SYTL5: variants seen among roughly 807,000 people sequenced by gnomAD.
SYTL5 encodes synaptotagmin-like protein 5.
Under a neutral mutation model 55.9 loss-of-function variants are expected in SYTL5, and 34 were observed. That is an observed-to-expected ratio of 0.61 (90% CI 0.46 to 0.81). The LOEUF is 0.81. Among genes scored for constraint, SYTL5 ranks in the 30% least tolerant of loss-of-function variants. The probability of loss-of-function intolerance (pLI) is 0.00; values close to 1 mark genes in which losing one functional copy is unlikely to be tolerated. For synonymous variants in SYTL5, 221 were observed against 188.7 expected, an observed-to-expected ratio of 1.17 and a Z score of -1.40; for missense variants, 637 against 546.7, an observed-to-expected ratio of 1.17 and a Z score of -1.65.
chrX:38,011,897 TTTCTC>T (rs753813165), intron 1 of SYTL5, among the ~76,000 whole-genome samples: 8 of 110,883 alleles, frequency 7.2e-5, no homozygotes, highest in East Asian at 2.8e-4. Context: ...TTTTTTTACT[TTTCTC>T]TAAGCGTTAG....
intron 13 of SYTL5, among the ~76,000 whole-genome samples, chrX:38,115,043 T>G (rs1261711138): frequency 1.8e-5 from 2 of 112,458 alleles, no homozygotes; most frequent in African/African-American, 6.5e-5. Context: ...CAAGATTTTA[T>G]TTTTTAAGGC....
chrX:38,027,919 G>T (rs1280803925), intron 1 of SYTL5, among the ~76,000 whole-genome samples: 1 of 108,860 alleles, frequency 9.2e-6, no homozygotes, highest in Non-Finnish European at 1.9e-5. Flanking sequence ...TGCCTCCCAG[G>T]TTCAAGTGAT....
At chrX:38,044,883 G>C (rs563016050) in intron 2 of SYTL5, among the ~76,000 whole-genome samples, 2 of 111,739 alleles carry the variant, frequency 1.8e-5, no homozygotes, top group Admixed American at 1.9e-4. Flanking sequence ...TGGGAGACTT[G>C]GTTTGCTAAT....
Position 38,127,534 on chromosome X carries a change from G to C in SYTL5, c.*804G>C, listed in dbSNP as rs1290902009. The C allele has an allele frequency of 9.0e-6, 1 of 111,704 alleles. No individual in the cohort carries two copies. The highest frequency in any genetic ancestry group is 1.9e-5 in the Non-Finnish European group (1 of 53,172). The allele number at this position is 111,704 out of a possible 1,213,427, so 9.2% of individuals were successfully genotyped here. On this transcript the variant is annotated 3_prime_UTR_variant, in exon 17 of 17. Transcript: ENST00000297875. Reference sequence around the variant, plus strand: ...CTTTTCACATTGTGTTCACTGACGAGACTAGTTTAATGAAAAAGGAGGTAC... The same window carrying C: ...CTTTTCACATTGTGTTCACTGACGACACTAGTTTAATGAAAAAGGAGGTAC...
At chrX:38,081,125 T>A (rs1444415036) in intron 6 of SYTL5, among the ~76,000 whole-genome samples, 1 of 112,185 alleles carries the variant, frequency 8.9e-6, no homozygotes, top group African/African-American at 3.2e-5. Flanking sequence ...TACTTTCACC[T>A]CTTTCCTGTG....
intron 10 of SYTL5, among the ~76,000 whole-genome samples, chrX:38,102,757 T>C (rs147514094): frequency 0.036 from 4,018 of 111,639 alleles, 66 homozygotes; most frequent in Middle Eastern, 0.069. Context: ...GACACCATTC[T>C]CTAAACTTCC....
chrX:37,941,914 A>G, the SYTL5 span, among the ~76,000 whole-genome samples: 1 of 107,085 alleles, frequency 9.3e-6, no homozygotes, highest in African/African-American at 3.3e-5. Context: ...GGAAAAAAAA[A>G]CTTTTCATTT....
chrX:38,012,532 T>C (rs1934221493), intron 1 of SYTL5, among the ~76,000 whole-genome samples: 1 of 111,764 alleles, frequency 8.9e-6, no homozygotes, highest in Non-Finnish European at 1.9e-5. Flanking sequence ...ATATAAACTT[T>C]AAATCCAAAT....
intron 13 of SYTL5, 96 bp from the exon 14 acceptor site, chrX:38,120,262 T>G: frequency 3.4e-6 from 2 of 591,482 alleles, no homozygotes; most frequent in Non-Finnish European, 5.7e-6. Context: ...ATTGTCACAT[T>G]TATGCCACTA....
the SYTL5 span, among the ~76,000 whole-genome samples, chrX:38,001,247 C>T: frequency 9.0e-6 from 1 of 111,447 alleles, no homozygotes; most frequent in Non-Finnish European, 1.9e-5. Context: ...GTATCCATGA[C>T]CTCAAGCATT....
At chrX:38,045,435 G>C (rs763811902) in intron 2 of SYTL5, among the ~76,000 whole-genome samples, 3 of 111,875 alleles carry the variant, frequency 2.7e-5, no homozygotes, top group Non-Finnish European at 5.6e-5. Context: ...TTGCTCCGTT[G>C]TTTTCAGTAT....
At chrX:38,023,384 A>G (rs1218300726) in intron 1 of SYTL5, among the ~76,000 whole-genome samples, 1 of 112,109 alleles carries the variant, frequency 8.9e-6, no homozygotes, top group Non-Finnish European at 1.9e-5. Context: ...GAATACATCC[A>G]AAATAATAAA....
At chrX:37,925,864 T>G in the SYTL5 span, among the ~76,000 whole-genome samples, 51 of 112,086 alleles carry the variant, frequency 4.6e-4, no homozygotes, top group African/African-American at 1.6e-3. Context: ...TATTTGGTTT[T>G]CCATTCCTGA....
At chrX:37,966,946 T>C in the SYTL5 span, among the ~76,000 whole-genome samples, 3 of 112,091 alleles carry the variant, frequency 2.7e-5, no homozygotes, top group Non-Finnish European at 3.8e-5. Context: ...TTGTAAGGCA[T>C]GTCTAGTGTT....
chrX:37,893,300 A>G, the SYTL5 span, among the ~76,000 whole-genome samples: 2 of 99,423 alleles, frequency 2.0e-5, no homozygotes, highest in Non-Finnish European at 4.0e-5. Flanking sequence ...ACCACACTAT[A>G]TACTATATAT....
At chrX:38,022,613 A>G (rs1934594960) in intron 1 of SYTL5, among the ~76,000 whole-genome samples, 1 of 111,964 alleles carries the variant, frequency 8.9e-6, no homozygotes, top group Non-Finnish European at 1.9e-5. Flanking sequence ...CCCTCTTGTA[A>G]GGATCATTGT....
chrX:37,926,885 T>C, the SYTL5 span, among the ~76,000 whole-genome samples: 3 of 112,241 alleles, frequency 2.7e-5, no homozygotes, highest in African/African-American at 9.7e-5. Flanking sequence ...TGTCATATTT[T>C]CACCAGTAGG....
the SYTL5 span, among the ~76,000 whole-genome samples, chrX:37,903,890 C>T: frequency 4.1e-4 from 45 of 111,096 alleles, no homozygotes; most frequent in African/African-American, 1.4e-3. Flanking sequence ...CTTATTCCCA[C>T]AGCACCTTTG....
the SYTL5 span, among the ~76,000 whole-genome samples, chrX:37,958,701 A>G: frequency 8.9e-6 from 1 of 112,374 alleles, no homozygotes; most frequent in Non-Finnish European, 1.9e-5. Flanking sequence ...TGAATCAGAT[A>G]TAGATGAGAC....
Sources: gnomAD v4.1 joint callset for allele counts (sites outside exome capture counted in the v4.1 genomes callset) on GRCh38, gnomAD v4.1.1 for gene constraint, MANE v1.5 for transcripts, NCBI Gene and HGNC (gene_info 2026-07-23, HGNC 2026-07-21) for gene names.